Variants in ABAT observed in about 807,000 individuals in gnomAD.
The protein encoded by ABAT is 4-aminobutyrate aminotransferase.
In ABAT, 45 loss-of-function variants were observed where a neutral mutation model predicts 64.6. The observed-to-expected ratio is 0.70, with a 90% CI of 0.55 to 0.89. The LOEUF (loss-of-function observed/expected upper bound fraction) is 0.89. Ranked by LOEUF, ABAT falls within the 40% of genes least tolerant of loss-of-function variation. The pLI, the probability that ABAT is intolerant of heterozygous loss-of-function variation, is 0.00. For missense variants in ABAT, 633 were observed against 658.4 expected (o/e 0.96, Z 0.42); for synonymous variants, 297 against 250.5 (o/e 1.19, Z -1.75).
At chr16:8,732,324 A>T (rs2058750667) in intron 1 of ABAT, among the ~76,000 whole-genome samples, 2 of 150,402 alleles carry the variant, frequency 1.3e-5, no homozygotes, top group Non-Finnish European at 2.9e-5. Context: ...GCAGATAAAC[A>T]AGTGAACAAA....
At chr16:8,743,316 CTCTGTGTG>C (rs2059218293) in intron 2 of ABAT, among the ~76,000 whole-genome samples, 1 of 48,422 alleles carries the variant, frequency 2.1e-5, no homozygotes, top group Non-Finnish European at 3.7e-5. Flanking sequence ...GCATGTGTGT[CTCTGTGTG>C]TGTGTGTGTG....
intron 11 of ABAT, among the ~76,000 whole-genome samples, chr16:8,770,111 C>A (rs2060060493): frequency 6.6e-6 from 1 of 152,262 alleles, no homozygotes; most frequent in South Asian, 2.1e-4. Flanking sequence ...TGCCTGGAAA[C>A]TGCCAAGGAG....
intron 1 of ABAT, among the ~76,000 whole-genome samples, chr16:8,721,683 C>T (rs891178525): frequency 6.6e-6 from 1 of 152,218 alleles, no homozygotes; most frequent in Non-Finnish European, 1.5e-5. Context: ...GGTACTTTTA[C>T]TATGATTATT....
At chr16:8,732,762 C>T in intron 1 of ABAT, among the ~76,000 whole-genome samples, 1 of 150,580 alleles carries the variant, frequency 6.6e-6, no homozygotes, top group East Asian at 2.0e-4. Flanking sequence ...GGGTGGTGGC[C>T]GGGCAGAGGG....
intron 5 of ABAT, among the ~76,000 whole-genome samples, chr16:8,750,964 T>TTTC (rs2059463649): frequency 6.7e-6 from 1 of 148,150 alleles, no homozygotes; most frequent in South Asian, 2.1e-4. Flanking sequence ...TTTTTTTTTT[T>TTTC]TCCAGACGAA....
intron 12 of ABAT, among the ~76,000 whole-genome samples, chr16:8,774,272 A>G (rs1306855123): frequency 6.6e-6 from 1 of 152,080 alleles, no homozygotes; most frequent in African/African-American, 2.4e-5. Flanking sequence ...CCATTCATCC[A>G]TCGATGGACA....
rs796731112 is a variant in ABAT, at chr16:8,703,459, C to CA, written c.-42+28759dup. On this transcript the variant is annotated intron_variant, in intron 1 of 15. Transcript: ENST00000268251. The stretch of plus-strand genomic sequence containing the variant: ...TGACAGACAGAGTGAGACTCTGTCT[C>CA]AAAAAAAAAAACCAAAAAATTATTG... 8.5e-3 allele frequency among the ~76,000 whole-genome samples: 1,168 copies of CA among 137,822 alleles called. 19 individuals carry two copies. The highest frequency in any genetic ancestry group is 0.029 in the African/African-American group (1,074 of 37,548). The allele number at this position is 137,822 out of a possible 152,430, so 90.4% of individuals were successfully genotyped here.
At chr16:8,731,183 G>C (rs781097675) in intron 1 of ABAT, among the ~76,000 whole-genome samples, 2 of 152,054 alleles carry the variant, frequency 1.3e-5, no homozygotes, top group Admixed American at 6.6e-5. Flanking sequence ...TGCTGATCTC[G>C]AACTCCTGAC....
chr16:8,730,245 G>A (rs535188481), intron 1 of ABAT, among the ~76,000 whole-genome samples: 7 of 152,294 alleles, frequency 4.6e-5, no homozygotes, highest in African/African-American at 1.7e-4. Context: ...AGTGCCCAGT[G>A]AAGGGTCTGG....
intron 1 of ABAT, among the ~76,000 whole-genome samples, chr16:8,692,771 G>T (rs115924988): frequency 6.6e-6 from 1 of 152,134 alleles, no homozygotes; most frequent in Non-Finnish European, 1.5e-5. Context: ...GCGGGGGTTC[G>T]GCTACCTGGC....
chr16:8,781,272 G>T lies in ABAT; in HGVS notation c.1382-37G>T. 6.2e-7 allele frequency: 1 copy of T among 1,613,584 alleles called. No homozygotes were observed. The highest frequency in any genetic ancestry group is 8.5e-7 in the Non-Finnish European group (1 of 1,179,878). On this transcript the variant is annotated intron_variant, in intron 15 of 15. Transcript: ENST00000268251. This position sits in a 1 kb window ranked among gnomAD's most constrained non-coding sequence, Gnocchi z 4.5. ...CAGCTCTCCCAGCATGTGACTTTGA[G>T]AAACCACGCTCCTCACCTACCTCCT...
intron 3 of ABAT, among the ~76,000 whole-genome samples, chr16:8,747,074 G>C (rs933480): frequency 1 from 151,591 of 152,314 alleles, 75,439 homozygotes; most frequent in Middle Eastern, 1. Flanking sequence ...GGAGAACATG[G>C]TATAGTTCTG....
intron 1 of ABAT, among the ~76,000 whole-genome samples, chr16:8,675,995 C>G (rs898986662): frequency 6.8e-6 from 1 of 147,008 alleles, no homozygotes; most frequent in Admixed American, 6.7e-5. Context: ...GGCTTTGCTG[C>G]TTTGATGAAG....
At chr16:8,737,985 G>A (rs200554466) in intron 2 of ABAT, among the ~76,000 whole-genome samples, 218 of 4,034 alleles carry the variant, frequency 0.054, 42 homozygotes, top group African/African-American at 0.16. Context: ...AGGAAGGAAG[G>A]AAGGAGGAAA....
chr16:8,769,257 G>C (rs2060032820), intron 11 of ABAT, among the ~76,000 whole-genome samples: 1 of 152,136 alleles, frequency 6.6e-6, no homozygotes, highest in Non-Finnish European at 1.5e-5. Context: ...TCTAAAATAA[G>C]AGAAAACAGA....
At chr16:8,731,970 C>A (rs541352995) in intron 1 of ABAT, among the ~76,000 whole-genome samples, 11 of 152,214 alleles carry the variant, frequency 7.2e-5, no homozygotes, top group Non-Finnish European at 1.5e-4. Context: ...TCTCCTGCCT[C>A]AGCCTCCCAA....
In ABAT at chr16:8,735,702, G is replaced by A; in HGVS notation, c.-38G>A. ...CTGCATTTCTGGTTTCTTTCAGGGTGGCAGCACGCAAAGGGTGTCCCTGTC... is the reference window on the plus strand; with the variant it reads ...CTGCATTTCTGGTTTCTTTCAGGGTAGCAGCACGCAAAGGGTGTCCCTGTC... On this transcript the variant is annotated 5_prime_UTR_variant, in exon 2 of 16. Coordinates refer to ENST00000268251, the MANE Select transcript of ABAT (RefSeq NM_020686.6). 1 of 1,566,344 alleles carries A rather than the reference G, an allele frequency of 6.4e-7. No homozygotes were observed. Among genetic ancestry groups the A allele is most frequent in the South Asian group, 1.2e-5 (1 of 85,492 alleles).
chr16:8,749,309 C>T (rs1158120921), intron 4 of ABAT, among the ~76,000 whole-genome samples: 2 of 148,328 alleles, frequency 1.3e-5, no homozygotes, highest in South Asian at 2.2e-4. Context: ...AGGCTGGTCT[C>T]GAACTGCTGA....
At chr16:8,759,154 C>T (rs939824353) in intron 6 of ABAT, among the ~76,000 whole-genome samples, 2 of 152,062 alleles carry the variant, frequency 1.3e-5, no homozygotes, top group Non-Finnish European at 2.9e-5. Flanking sequence ...CCCATGCAGG[C>T]ATGCATACAG....
Sources: gnomAD v4.1 joint callset for allele counts (sites outside exome capture counted in the v4.1 genomes callset) on GRCh38, gnomAD v4.1.1 for gene constraint, Gnocchi (gnomAD v3.1) non-coding constraint, MANE v1.5 for transcripts, NCBI Gene and HGNC (gene_info 2026-07-23, HGNC 2026-07-21) for gene names.